The following MEIS2 variants were observed in gnomAD, a reference collection of about 807,000 sequenced individuals.
MEIS2 encodes homeobox protein Meis2.
In MEIS2, 9 loss-of-function variants were observed where a neutral mutation model predicts 58.6. The ratio of observed to expected loss-of-function variants is 0.15; its 90% CI spans 0.09 to 0.27. MEIS2 has a LOEUF of 0.27. Ranked by LOEUF, MEIS2 falls within the 10% of genes least tolerant of loss-of-function variation. The probability of loss-of-function intolerance (pLI) is 1.00; values close to 1 mark genes in which losing one functional copy is unlikely to be tolerated. For synonymous variants in MEIS2, 221 were observed against 228.4 expected (o/e 0.97, Z 0.29); for missense variants, 427 against 635.0 (o/e 0.67, Z 3.52).
In MEIS2 at chr15:36,896,851, G is replaced by A. The variant is rs1595670729; in HGVS notation, c.978-165C>T. ...TTCAGCGTTCAAAAATAGTTGACTG[G>A]GTAATCTCCGTCGTCACTGCGTAGT... On this transcript the variant is annotated intron_variant, in intron 9 of 11. Coordinates refer to ENST00000561208, the MANE Select transcript of MEIS2 (RefSeq NM_170675.5). The A allele has an allele frequency of 6.5e-6, 4 of 614,708 alleles. No homozygotes were observed. The East Asian group carries it at 1.1e-4, about 17-fold the overall frequency. 38.1% of individuals were successfully genotyped at this position (614,708 alleles called of 1,614,324 possible).
At chr15:36,914,135 C>T (rs2057164857) in intron 9 of MEIS2, among the ~76,000 whole-genome samples, 1 of 152,192 alleles carries the variant, frequency 6.6e-6, no homozygotes, top group Non-Finnish European at 1.5e-5. Flanking sequence ...CACTGTTGGT[C>T]TCTGAGCAGC....
intron 8 of MEIS2, among the ~76,000 whole-genome samples, chr15:37,026,299 G>GT (rs1397938630): frequency 6.6e-6 from 1 of 152,142 alleles, no homozygotes; most frequent in Non-Finnish European, 1.5e-5. Flanking sequence ...CACTTGGGTT[G>GT]TTTTTTGTCA....
rs574276623 is a variant in MEIS2 at position 36,965,376 on chromosome 15, C to T, written c.901-14976G>A. Among the ~76,000 whole-genome samples the T allele has an allele frequency of 2.0e-5, 3 of 152,178 alleles. No homozygotes were observed. In the South Asian group the frequency reaches 6.2e-4, roughly 32 times the overall value. On this transcript the variant is annotated intron_variant, in intron 8 of 11. Coordinates refer to ENST00000561208, the MANE Select transcript of MEIS2 (RefSeq NM_170675.5). Reference sequence around the variant, plus strand: ...ATTAATTATATGAGGTCTACAGTTGCCATCAAAACAATGCAAGGCAATGAA... The same window carrying T: ...ATTAATTATATGAGGTCTACAGTTGTCATCAAAACAATGCAAGGCAATGAA...
chr15:37,073,031 A>G (rs1357966970), intron 7 of MEIS2, among the ~76,000 whole-genome samples: 2 of 152,062 alleles, frequency 1.3e-5, no homozygotes, highest in Non-Finnish European at 2.9e-5. Flanking sequence ...AAGAGATCAC[A>G]TCTTGTTTGC....
At chr15:36,986,248 C>G (rs1158898923) in intron 8 of MEIS2, among the ~76,000 whole-genome samples, 2 of 152,202 alleles carry the variant, frequency 1.3e-5, no homozygotes, top group African/African-American at 4.8e-5. Flanking sequence ...GCTGTAGCAT[C>G]CAGGTTAGCC....
intron 8 of MEIS2, among the ~76,000 whole-genome samples, chr15:36,970,099 T>A (rs558760119): frequency 6.6e-6 from 1 of 152,266 alleles, no homozygotes; most frequent in South Asian, 2.1e-4. Flanking sequence ...ATAATATAGT[T>A]TTGTTTAAAA....
intron 8 of MEIS2, among the ~76,000 whole-genome samples, chr15:36,971,039 A>G (rs929977395): frequency 6.6e-6 from 1 of 150,862 alleles, no homozygotes; most frequent in African/African-American, 2.5e-5. Flanking sequence ...AAGAATAGGA[A>G]AAAAAAAACC....
intron 6 of MEIS2, among the ~76,000 whole-genome samples, chr15:37,091,341 C>T (rs575651032): frequency 1.4e-4 from 22 of 152,098 alleles, no homozygotes; most frequent in Non-Finnish European, 3.1e-4. Context: ...CAAATCTCTC[C>T]GTTTTCTACT....
intron 7 of MEIS2, among the ~76,000 whole-genome samples, chr15:37,076,254 A>C (rs1008642797): frequency 1.2e-4 from 18 of 152,062 alleles, no homozygotes; most frequent in African/African-American, 4.1e-4. Context: ...GAAATCGGAA[A>C]GAAAGAAGGG....
At chr15:37,025,753 C>CAAA (rs35154978) in intron 8 of MEIS2, among the ~76,000 whole-genome samples, 3 of 96,852 alleles carry the variant, frequency 3.1e-5, no homozygotes, top group Admixed American at 1.2e-4. Flanking sequence ...ACTTGCTCTG[C>CAAA]AAAAAAAAAA....
chr15:37,014,399 T>A (rs1595927204), intron 8 of MEIS2, among the ~76,000 whole-genome samples: 1 of 152,090 alleles, frequency 6.6e-6, no homozygotes, highest in Non-Finnish European at 1.5e-5. Context: ...ACCAAGATGA[T>A]TGAGCCACAA....
At chr15:36,899,410 A>G (rs1404136714) in intron 9 of MEIS2, among the ~76,000 whole-genome samples, 1 of 152,184 alleles carries the variant, frequency 6.6e-6, no homozygotes. Flanking sequence ...TAGAAAATAC[A>G]CTGACATACA....
At chr15:36,953,522 G>A (rs946273124) in intron 8 of MEIS2, among the ~76,000 whole-genome samples, 1 of 152,136 alleles carries the variant, frequency 6.6e-6, no homozygotes. Context: ...CCCAGAGGTG[G>A]CTCAACTTAC....
At chr15:37,072,591 G>A (rs773820015) in intron 7 of MEIS2, among the ~76,000 whole-genome samples, 7 of 152,088 alleles carry the variant, frequency 4.6e-5, no homozygotes, top group Middle Eastern at 6.8e-3. Flanking sequence ...ATGCGCCTTC[G>A]CGCTGGCTGT....
At chr15:36,952,316 T>A (rs1026837005) in intron 8 of MEIS2, among the ~76,000 whole-genome samples, 10 of 152,162 alleles carry the variant, frequency 6.6e-5, no homozygotes, top group Non-Finnish European at 1.0e-4. Flanking sequence ...TCAGGGGAGT[T>A]GCACCCTTTG....
chr15:37,090,642 G>C (rs1466044240), intron 6 of MEIS2, among the ~76,000 whole-genome samples: 1 of 151,132 alleles, frequency 6.6e-6, no homozygotes, highest in Non-Finnish European at 1.5e-5. Context: ...CTCTCTCCTT[G>C]CATGTTCCTT....
intron 9 of MEIS2, among the ~76,000 whole-genome samples, chr15:36,932,023 G>A (rs1012209852): frequency 6.6e-6 from 1 of 152,102 alleles, no homozygotes; most frequent in African/African-American, 2.4e-5. Flanking sequence ...AGGAAGAAAA[G>A]TTTATGTGTA....
At chr15:36,958,239 A>G (rs2059058210) in intron 8 of MEIS2, among the ~76,000 whole-genome samples, 1 of 152,164 alleles carries the variant, frequency 6.6e-6, no homozygotes. Context: ...CAAAGAGAAA[A>G]GCATACTCTC....
chr15:36,957,437 T>C (rs537051762), intron 8 of MEIS2, among the ~76,000 whole-genome samples: 1 of 152,262 alleles, frequency 6.6e-6, no homozygotes, highest in East Asian at 1.9e-4. Flanking sequence ...AAGGAGAGTA[T>C]ATTTCAAATG....
Sources: allele counts gnomAD v4.1 joint callset (sites outside exome capture counted in the v4.1 genomes callset), GRCh38; gene constraint gnomAD v4.1.1; transcripts MANE v1.5; gene names NCBI Gene and HGNC (gene_info 2026-07-23, HGNC 2026-07-21).